Variants in LRCH1 observed in about 807,000 individuals in gnomAD.
The protein encoded by LRCH1 is leucine-rich repeat and calponin homology domain-containing protein 1.
Under a neutral mutation model 94.9 loss-of-function variants are expected in LRCH1, and 23 were observed. That is an observed-to-expected ratio of 0.24 (90% CI 0.17 to 0.34). The LOEUF (loss-of-function observed/expected upper bound fraction) is 0.34, where lower values mean the gene tolerates loss of function less well. Ranked by LOEUF, LRCH1 falls within the 10% of genes least tolerant of loss-of-function variation. The pLI, the probability that LRCH1 is intolerant of heterozygous loss-of-function variation, is 1.00. For missense variants in LRCH1, 790 were observed against 945.9 expected (o/e 0.84, Z 2.16); for synonymous variants, 364 against 354.9 (o/e 1.03, Z -0.29).
intron 1 of LRCH1, among the ~76,000 whole-genome samples, chr13:46,618,748 T>C (rs2050842426): frequency 6.6e-6 from 1 of 152,178 alleles, no homozygotes; most frequent in African/African-American, 2.4e-5. Flanking sequence ...CGGAGGAACT[T>C]GTAGAGATTT....
intron 19 of LRCH1, 33 bp from the exon 20 acceptor site, chr13:46,741,608 TC>T: frequency 6.2e-7 from 1 of 1,613,634 alleles, no homozygotes; most frequent in Non-Finnish European, 8.5e-7. Context: ...GTATGCACTG[TC>T]TCTTTCTGTT....
At chr13:46,706,591 T>A (rs1392236676) in intron 13 of LRCH1, among the ~76,000 whole-genome samples, 1 of 152,166 alleles carries the variant, frequency 6.6e-6, no homozygotes, top group East Asian at 1.9e-4. Context: ...TTTTTTAATT[T>A]AATTTTATTT....
intron 1 of LRCH1, among the ~76,000 whole-genome samples, chr13:46,568,420 G>C (rs935434043): frequency 6.6e-6 from 1 of 152,162 alleles, no homozygotes; most frequent in Admixed American, 6.5e-5. Context: ...CCCATGTCTA[G>C]TTGTGTCAGA....
At chr13:46,676,168 G>A (rs1161953020) in intron 3 of LRCH1, among the ~76,000 whole-genome samples, 1 of 151,880 alleles carries the variant, frequency 6.6e-6, no homozygotes, top group Admixed American at 6.6e-5. Flanking sequence ...GGCTGAGGGA[G>A]GAGAATCGCT....
intron 1 of LRCH1, among the ~76,000 whole-genome samples, chr13:46,615,902 C>T (rs994065466): frequency 1.3e-5 from 2 of 152,190 alleles, no homozygotes; most frequent in Non-Finnish European, 2.9e-5. Flanking sequence ...CACCAGATGT[C>T]GTGTAGGCCC....
At position 46,663,329 on chromosome 13, in the gene LRCH1, A is replaced by G. The variant is rs1305908740; in HGVS notation, c.453-5701A>G. Among the ~76,000 whole-genome samples the G allele has an allele frequency of 4.2e-5, 5 of 119,132 alleles. No individual in the cohort carries two copies. The East Asian group carries it at 1.3e-3, about 32-fold the overall frequency. The allele number at this position is 119,132 out of a possible 152,430, so 78.2% of individuals were successfully genotyped here. A position where few individuals can be genotyped will look rare whatever the true frequency, so the allele number is the denominator to read the frequency against. ...AGACTGTCACCAGGCAACTGAAAGCAAAGCTTTTGTTGTTGTTGTTGTTGC... is the reference window on the plus strand; with the variant it reads ...AGACTGTCACCAGGCAACTGAAAGCGAAGCTTTTGTTGTTGTTGTTGTTGC... On this transcript the variant is annotated intron_variant, in intron 2 of 19. Coordinates refer to ENST00000389797, the MANE Select transcript of LRCH1 (RefSeq NM_001164211.2).
chr13:46,687,178 C>G (rs1870665144), intron 5 of LRCH1, among the ~76,000 whole-genome samples: 1 of 152,070 alleles, frequency 6.6e-6, no homozygotes, highest in East Asian at 1.9e-4. Context: ...AGGCTGCTCT[C>G]TAATTCCTGA....
At chr13:46,564,690 A>G (rs1187664018) in intron 1 of LRCH1, among the ~76,000 whole-genome samples, 1 of 152,206 alleles carries the variant, frequency 6.6e-6, no homozygotes, top group Non-Finnish European at 1.5e-5. Flanking sequence ...TTTAATTTTT[A>G]TATTTCTTCT....
At chr13:46,667,617 G>A (rs1348104648) in intron 2 of LRCH1, among the ~76,000 whole-genome samples, 1 of 151,792 alleles carries the variant, frequency 6.6e-6, no homozygotes, top group African/African-American at 2.4e-5. Flanking sequence ...CATGGCGCAT[G>A]TATACATATA....
chr13:46,577,386 C>T (rs2050315919), intron 1 of LRCH1, among the ~76,000 whole-genome samples: 1 of 152,226 alleles, frequency 6.6e-6, no homozygotes, highest in Non-Finnish European at 1.5e-5. Flanking sequence ...GTATGAGCCA[C>T]TGCACCTGGC....
intron 1 of LRCH1, among the ~76,000 whole-genome samples, chr13:46,624,058 A>G (rs754168950): frequency 5.9e-5 from 9 of 151,578 alleles, no homozygotes; most frequent in Non-Finnish European, 1.2e-4. Context: ...CAATTTTTCT[A>G]TTTTTTATAG....
At chr13:46,685,015 C>T (rs1214628770) in intron 4 of LRCH1, among the ~76,000 whole-genome samples, 1 of 152,196 alleles carries the variant, frequency 6.6e-6, no homozygotes, top group African/African-American at 2.4e-5. Flanking sequence ...TCTTGCCCTT[C>T]GTCCACTTTA....
At chr13:46,645,807 T>C (rs780948766) in intron 1 of LRCH1, among the ~76,000 whole-genome samples, 2 of 152,240 alleles carry the variant, frequency 1.3e-5, no homozygotes, top group African/African-American at 2.4e-5. Context: ...AAAGAAACAT[T>C]GGTGATGCTG....
At chr13:46,684,319 G>A (rs982509191) in intron 4 of LRCH1, among the ~76,000 whole-genome samples, 3 of 151,504 alleles carry the variant, frequency 2.0e-5, no homozygotes, top group South Asian at 2.1e-4. Flanking sequence ...TTGTGAAACT[G>A]TCTGGTTCCT....
chr13:46,578,981 G>A (rs997469694), intron 1 of LRCH1, among the ~76,000 whole-genome samples: 1 of 151,988 alleles, frequency 6.6e-6, no homozygotes, highest in African/African-American at 2.4e-5. Context: ...ACCTAAGGCC[G>A]ACAAAATTCA....
rs1465076046 is a variant in LRCH1 at position 46,742,969 on chromosome 13, A to G, written c.*1121A>G. On this transcript the variant is annotated 3_prime_UTR_variant, in exon 20 of 20. Transcript: ENST00000389797. ...TAGTAACTATATCTGCATTTGGAGC[A>G]ATGTGATCAGTTTGCATTTAAAAGG... 2 of 985,338 alleles carry G rather than the reference A, an allele frequency of 2.0e-6. No homozygotes were observed. Among genetic ancestry groups the G allele is most frequent in the Non-Finnish European group, 2.4e-6 (2 of 829,936 alleles). The allele number at this position is 985,338 out of a possible 1,614,324, so 61.0% of individuals were successfully genotyped here. A position where few individuals can be genotyped will look rare whatever the true frequency, so the allele number is the denominator to read the frequency against.
chr13:46,657,978 GAT>G (rs2051398324), intron 2 of LRCH1, among the ~76,000 whole-genome samples: 1 of 151,798 alleles, frequency 6.6e-6, no homozygotes, highest in Non-Finnish European at 1.5e-5. Flanking sequence ...AAATGAATGA[GAT>G]ATATTTCTTT....
At chr13:46,648,569 CT>C (rs2051252478) in intron 1 of LRCH1, among the ~76,000 whole-genome samples, 1 of 152,134 alleles carries the variant, frequency 6.6e-6, no homozygotes. Context: ...ACCATGAGAT[CT>C]TTAGAATCAA....
chr13:46,582,670 TTTGTA>T (rs2050385750), intron 1 of LRCH1, among the ~76,000 whole-genome samples: 1 of 122,802 alleles, frequency 8.1e-6, no homozygotes, highest in African/African-American at 3.3e-5. Context: ...TTTTTTTTTT[TTTGTA>T]TTTTTAGTAG....
Sources: allele counts gnomAD v4.1 joint callset (sites outside exome capture counted in the v4.1 genomes callset), GRCh38; gene constraint gnomAD v4.1.1; transcripts MANE v1.5; gene names NCBI Gene and HGNC (gene_info 2026-07-23, HGNC 2026-07-21).